Variants in PKHD1 observed in about 807,000 individuals in gnomAD.
PKHD1 encodes PKHD1 ciliary IPT domain containing fibrocystin/polyductin, also known as fibrocystin.
In PKHD1, 291 loss-of-function variants were observed where a neutral mutation model predicts 412.0. That is an observed-to-expected ratio of 0.71 (90% CI 0.64 to 0.78). The LOEUF is 0.78. Among genes scored for constraint, PKHD1 ranks in the 30% least tolerant of loss-of-function variants. PKHD1 has a pLI of 0.00. For synonymous variants in PKHD1, 1,777 were observed against 1,821.5 expected, an observed-to-expected ratio of 0.98 and a Z score of 0.62; for missense variants, 4,825 against 4,950.7, an observed-to-expected ratio of 0.97 and a Z score of 0.76.
rs1806603105 is a variant in PKHD1 at position 52,050,271 on chromosome 6, G to A, written c.2165C>T (p.Ala722Val). Residue 722 changes from alanine to valine, a missense_variant, in exon 22 of 67, where the codon GCT becomes GTT. By Grantham distance (64) the Ala-to-Val change is moderately conservative (BLOSUM62 0). Coordinates refer to ENST00000371117, the MANE Select transcript of PKHD1 (RefSeq NM_138694.4). ...VTVSQADSGT[A>V]RPGGNLVESV... The stretch of plus-strand genomic sequence containing the variant: ...TTCCACCAGATTGCCCCCTGGGCGA[G>A]CCGTTCCAGAATCAGCTTGAGAAAC... 4 of 1,614,040 alleles carry A rather than the reference G, an allele frequency of 2.5e-6. No homozygotes were observed. Among genetic ancestry groups the A allele is most frequent in the Admixed American group, 1.7e-5 (1 of 60,008 alleles).
chr6:51,813,115 G>A (rs190831855), intron 52 of PKHD1, among the ~76,000 whole-genome samples: 15 of 152,216 alleles, frequency 9.9e-5, no homozygotes, highest in Admixed American at 5.9e-4. Context: ...ACCACCTTGA[G>A]CACAAGTTCT....
chr6:51,906,296 C>G lies in PKHD1; in HGVS notation c.6727G>C (p.Gly2243Arg). The G allele has an allele frequency of 1.2e-6, 2 of 1,609,428 alleles. No individual in the cohort carries two copies. The highest frequency in any genetic ancestry group is 1.7e-6 in the Non-Finnish European group (2 of 1,176,008). Residue 2243 changes from glycine (G) to arginine (R), a missense_variant, in exon 41 of 67, where the codon GGC becomes CGC. By Grantham distance (125) the Gly-to-Arg change is moderately radical. Transcript: ENST00000371117. ...CCCAAGGTCCCGCACATGCTGAGGC[C>G]TCTACTGAAGGAGTTCCTCACTGTG... Reference protein sequence around the residue: ...GCTVRNSFSRGLSMCGTLGLK... With the variant: ...GCTVRNSFSRRLSMCGTLGLK...
At chr6:51,869,678 C>T (rs774868890) in intron 47 of PKHD1, among the ~76,000 whole-genome samples, 4 of 151,808 alleles carry the variant, frequency 2.6e-5, no homozygotes, top group East Asian at 1.9e-4. Context: ...TGAGGAATTG[C>T]GATTGCAAGC....
intron 60 of PKHD1, among the ~76,000 whole-genome samples, chr6:51,687,620 T>A (rs1025808977): frequency 3.3e-5 from 5 of 152,048 alleles, no homozygotes; most frequent in Non-Finnish European, 7.4e-5. Context: ...AAATAAGAGG[T>A]GGGATTTCCA....
intron 1 of PKHD1, among the ~76,000 whole-genome samples, chr6:52,086,939 T>C (rs905391463): frequency 3.3e-5 from 5 of 152,190 alleles, no homozygotes; most frequent in Non-Finnish European, 5.9e-5. Context: ...AGACAAAATA[T>C]ACTCAGCACA....
At chr6:51,774,832 AC>A (rs1562282511) in intron 54 of PKHD1, among the ~76,000 whole-genome samples, 1 of 151,768 alleles carries the variant, frequency 6.6e-6, no homozygotes, top group African/African-American at 2.4e-5. Flanking sequence ...AAAACCTCCA[AC>A]ACAGCAATGC....
chr6:51,812,194 A>T (rs1212101148), intron 52 of PKHD1, among the ~76,000 whole-genome samples: 11 of 152,218 alleles, frequency 7.2e-5, no homozygotes, highest in Non-Finnish European at 1.5e-5. Flanking sequence ...TGGTAGGTCC[A>T]CAGACACCCT....
At chr6:51,948,125 A>G (rs1002938648) in intron 36 of PKHD1, among the ~76,000 whole-genome samples, 3 of 151,984 alleles carry the variant, frequency 2.0e-5, no homozygotes, top group Non-Finnish European at 4.4e-5. Context: ...AGTCACTCTC[A>G]TCTCACCCAT....
chr6:51,780,846 T>C (rs1339224718), intron 53 of PKHD1, among the ~76,000 whole-genome samples: 1 of 152,234 alleles, frequency 6.6e-6, no homozygotes, highest in African/African-American at 2.4e-5. Context: ...TCACATCTTC[T>C]GAATATACTA....
At chr6:51,678,173 C>T (rs936702441) in intron 60 of PKHD1, among the ~76,000 whole-genome samples, 3 of 152,110 alleles carry the variant, frequency 2.0e-5, no homozygotes, top group African/African-American at 7.2e-5. Flanking sequence ...GAGAGACTTG[C>T]ATTGCAAGCT....
chr6:51,759,415 T>C (rs1323168627), intron 55 of PKHD1, among the ~76,000 whole-genome samples: 1 of 152,100 alleles, frequency 6.6e-6, no homozygotes, highest in Non-Finnish European at 1.5e-5. Context: ...CACCAAAATC[T>C]TTCCCCTGGA....
intron 45 of PKHD1, among the ~76,000 whole-genome samples, chr6:51,885,347 G>C (rs1031031464): frequency 6.6e-6 from 1 of 152,114 alleles, no homozygotes; most frequent in African/African-American, 2.4e-5. Flanking sequence ...GTGGTATCTT[G>C]AGCTAGAATG....
intron 57 of PKHD1, 48 bp downstream of exon 57, chr6:51,753,153 T>C: frequency 6.4e-7 from 1 of 1,550,598 alleles, no homozygotes; most frequent in Non-Finnish European, 8.9e-7. Context: ...GTGTCCCAGA[T>C]GAATAGGCTC....
chr6:51,915,710 T>A (rs1312841950), intron 37 of PKHD1, among the ~76,000 whole-genome samples: 3 of 151,906 alleles, frequency 2.0e-5, no homozygotes, highest in Non-Finnish European at 4.4e-5. Flanking sequence ...AGTACTCTCA[T>A]GGCAGGTACC....
Position 51,747,988 on chromosome 6 carries a change from A to T in PKHD1, c.9628T>A (p.Ser3210Thr). Reference protein sequence around the residue: ...LRNSVIVATSSSFDCIQDKVK... With the variant: ...LRNSVIVATSTSFDCIQDKVK... ...TTGTCCTGAATGCAGTCAAAAGAAG[A>T]GCTGGTGGCCACAATGACTGAATTC... is the stretch of plus-strand genomic sequence containing the variant. The change falls in exon 58 of 67, where the codon TCT (serine) becomes ACT (threonine). Residue 3210 changes from serine (S) to threonine (T), a missense_variant. Ser to Thr is a moderately conservative substitution (Grantham distance 58). Coordinates refer to ENST00000371117, the MANE Select transcript of PKHD1 (RefSeq NM_138694.4). 5 of 1,614,066 alleles carry T rather than the reference A, an allele frequency of 3.1e-6. No individual in the cohort carries two copies. The highest frequency in any genetic ancestry group is 3.4e-6 in the Non-Finnish European group (4 of 1,179,976).
chr6:51,655,247 T>A (rs1420659238), intron 61 of PKHD1, among the ~76,000 whole-genome samples: 1 of 152,118 alleles, frequency 6.6e-6, no homozygotes, highest in African/African-American at 2.4e-5. Context: ...ATAGAAAGAT[T>A]CTACTCTTTC....
chr6:51,767,411 T>A (rs901854045), intron 55 of PKHD1, among the ~76,000 whole-genome samples: 1 of 152,136 alleles, frequency 6.6e-6, no homozygotes, highest in African/African-American at 2.4e-5. Context: ...TATGTATACA[T>A]GTGCCATGTT....
In PKHD1 at chr6:51,904,651, T is replaced by C. The variant is rs187804264; in HGVS notation, c.6809-609A>G. Among the ~76,000 whole-genome samples the C allele has an allele frequency of 1.8e-4, 28 of 152,270 alleles. No homozygotes were observed. In the East Asian group the frequency reaches 5.4e-3, roughly 29 times the overall value. On this transcript the variant is annotated intron_variant, in intron 41 of 66. Transcript: ENST00000371117. Reference sequence around the variant, plus strand: ...GATTGAGTGCTTTACCCACCACACATCAATAAACAAAAATTTTAATTCCCT... The same window carrying C: ...GATTGAGTGCTTTACCCACCACACACCAATAAACAAAAATTTTAATTCCCT...
At chr6:51,932,998 T>G (rs1013341529) in intron 37 of PKHD1, among the ~76,000 whole-genome samples, 2 of 152,186 alleles carry the variant, frequency 1.3e-5, no homozygotes, top group African/African-American at 4.8e-5. Context: ...AGTGGATTAT[T>G]TTGTGATGCC....
Sources: allele counts gnomAD v4.1 joint callset (sites outside exome capture counted in the v4.1 genomes callset), GRCh38; gene constraint gnomAD v4.1.1; transcripts MANE v1.5; gene names NCBI Gene and HGNC (gene_info 2026-07-23, HGNC 2026-07-21).